The following KCNK2 variants were observed in gnomAD, a reference collection of about 807,000 sequenced individuals.
KCNK2 encodes potassium two pore domain channel subfamily K member 2.
In KCNK2, 21 loss-of-function variants were observed where a neutral mutation model predicts 40.5. The ratio of observed to expected loss-of-function variants is 0.52; its 90% confidence interval spans 0.37 to 0.75. KCNK2 has a LOEUF of 0.75. KCNK2 is among the 30% of genes least tolerant of loss of function. The probability of loss-of-function intolerance (pLI) is 0.00; values close to 1 mark genes in which losing one functional copy is unlikely to be tolerated. For missense variants in KCNK2, 399 were observed against 531.6 expected (o/e 0.75, Z 2.45); for synonymous variants, 191 against 202.2 (o/e 0.94, Z 0.47).
intron 2 of KCNK2, among the ~76,000 whole-genome samples, chr1:215,087,887 T>G (rs1659517954): frequency 2.6e-5 from 4 of 152,240 alleles, no homozygotes. Flanking sequence ...ATACACGTTC[T>G]TATTCAAGTT....
intron 6 of KCNK2, among the ~76,000 whole-genome samples, chr1:215,223,058 A>G (rs1364331841): frequency 1.3e-5 from 2 of 152,110 alleles, no homozygotes; most frequent in African/African-American, 2.4e-5. Flanking sequence ...ACAGGAAAAA[A>G]TCCCGGTCAA....
chr1:215,209,981 TATATATAATATATA>T (rs1253783803), intron 6 of KCNK2, among the ~76,000 whole-genome samples: 66 of 6,576 alleles, frequency 0.01, no homozygotes, highest in Admixed American at 0.024. Flanking sequence ...TTATATATAT[TATATATAATATATA>T]ATATATATTA....
chr1:215,152,513 G>A (rs921966178), intron 3 of KCNK2, among the ~76,000 whole-genome samples: 4 of 152,042 alleles, frequency 2.6e-5, no homozygotes, highest in Admixed American at 6.6e-5. Flanking sequence ...GTCTCTTTGT[G>A]TGCCTTCATT....
intron 3 of KCNK2, among the ~76,000 whole-genome samples, chr1:215,163,874 A>T (rs1220044935): frequency 6.6e-6 from 1 of 151,832 alleles, no homozygotes; most frequent in Non-Finnish European, 1.5e-5. Flanking sequence ...ATTGGCCTGA[A>T]TTTTTTTTGG....
At chr1:215,065,647 T>TTCCTAGTTCCTAA (rs1326039549) in intron 1 of KCNK2, among the ~76,000 whole-genome samples, 1 of 152,194 alleles carries the variant, frequency 6.6e-6, no homozygotes, top group African/African-American at 2.4e-5. Flanking sequence ...TAGGAACTTG[T>TTCCTAGTTCCTAA]TCATGTAATT....
chr1:215,161,043 C>T (rs977643574), intron 3 of KCNK2, among the ~76,000 whole-genome samples: 1 of 152,090 alleles, frequency 6.6e-6, no homozygotes. Flanking sequence ...CATATCGGAA[C>T]CTGGACTTGA....
intron 6 of KCNK2, among the ~76,000 whole-genome samples, chr1:215,195,334 T>A (rs1664819721): frequency 6.7e-6 from 1 of 150,036 alleles, no homozygotes; most frequent in South Asian, 2.1e-4. Context: ...TGAAAAAGGA[T>A]GTAACTAGAA....
chr1:215,040,993 C>T lies in KCNK2; in HGVS notation c.34+35038C>T, dbSNP rs574092145. Among the ~76,000 whole-genome samples, 35 of 152,278 alleles carry T rather than the reference C, an allele frequency of 2.3e-4. No homozygotes were observed. The South Asian group carries it at 3.9e-3, about 17-fold the overall frequency. On this transcript the variant is annotated intron_variant, in intron 1 of 6. Coordinates refer to the KCNK2 transcript ENST00000391895. ...TCAAGCAACAGCATGAGACCTCAGA[C>T]TCAAGGCTTCACTTCCTTTTAAGCT...
At chr1:215,212,134 T>C (rs1665768094) in intron 6 of KCNK2, among the ~76,000 whole-genome samples, 1 of 152,122 alleles carries the variant, frequency 6.6e-6, no homozygotes, top group African/African-American at 2.4e-5. Context: ...GTTCAAAACT[T>C]TATAGCTGCA....
At position 215,011,016 on chromosome 1, in the gene KCNK2, T is replaced by TAC. The variant is rs977953155; in HGVS notation, c.34+5062_34+5063insCA. Among the ~76,000 whole-genome samples, 4 of 148,310 alleles carry TAC rather than the reference T, an allele frequency of 2.7e-5. 1 individual carries two copies. In the Admixed American group the frequency reaches 2.7e-4, roughly 10 times the overall value. On this transcript the variant is annotated intron_variant, in intron 1 of 6. Transcript: ENST00000391895. The stretch of plus-strand genomic sequence containing the variant: ...CTTATATATAATATTGTATTAAATA[T>TAC]ATATTTAAGTTACTTTTAAATTTAC...
chr1:215,020,768 G>C (rs2601620), intron 1 of KCNK2, among the ~76,000 whole-genome samples: 66,814 of 151,958 alleles, frequency 0.44, 16,378 homozygotes, highest in Non-Finnish European at 0.55. Flanking sequence ...AGTGTAACAA[G>C]TGAAAAATGA....
chr1:215,110,858 C>G (rs1296159130), intron 2 of KCNK2, among the ~76,000 whole-genome samples: 1 of 152,062 alleles, frequency 6.6e-6, no homozygotes, highest in African/African-American at 2.4e-5. Flanking sequence ...TTATTGTCAT[C>G]ATTATCAACT....
At chr1:215,232,949 C>A (rs1412060593) in intron 6 of KCNK2, among the ~76,000 whole-genome samples, 1 of 152,182 alleles carries the variant, frequency 6.6e-6, no homozygotes, top group Non-Finnish European at 1.5e-5. Context: ...TGTAAGTGTG[C>A]ATGAAATTTG....
intron 1 of KCNK2, among the ~76,000 whole-genome samples, chr1:215,076,166 A>T (rs1423354576): frequency 6.6e-6 from 1 of 152,244 alleles, no homozygotes; most frequent in Non-Finnish European, 1.5e-5. Context: ...CTTCAAAATG[A>T]ATAAATTTTG....
intron 1 of KCNK2, among the ~76,000 whole-genome samples, chr1:215,053,932 A>T (rs909750717): frequency 6.6e-6 from 1 of 152,166 alleles, no homozygotes; most frequent in African/African-American, 2.4e-5. Context: ...GCACCCCTGC[A>T]CTCCGGCCTG....
chr1:215,181,085 C>T (rs1368832693), intron 5 of KCNK2, among the ~76,000 whole-genome samples: 2 of 151,994 alleles, frequency 1.3e-5, no homozygotes, highest in African/African-American at 4.8e-5. Flanking sequence ...TTATTTTTGT[C>T]TGACTGTGTT....
Position 215,083,230 on chromosome 1 carries a change from T to TCCCCC in KCNK2, c.-152_-151insCCCCC. ...CCCCCTCCCGCGTCCAGCCCCGCTC[T>TCCCCC]CCCCACCTTGTAAAACAAAGCCGGG... On this transcript the variant is annotated 5_prime_UTR_variant, in exon 1 of 7. Coordinates refer to ENST00000444842, the MANE Select transcript of KCNK2 (RefSeq NM_001017425.3). 2 of 828,156 alleles carry TCCCCC rather than the reference T, an allele frequency of 2.4e-6. No individual in the cohort carries two copies. Among genetic ancestry groups the TCCCCC allele is most frequent in the South Asian group, 2.1e-5 (1 of 48,466 alleles). The allele number at this position is 828,156 out of a possible 1,614,324, so 51.3% of individuals were successfully genotyped here. A position where few individuals can be genotyped will look rare whatever the true frequency, so the allele number is the denominator to read the frequency against.
chr1:215,083,213 C>CCCCCG lies in KCNK2; in HGVS notation c.-173_-172insCCCCG. ...TCACGCTCCCCCCCCCGCCCCCTCC[C>CCCCCG]GCGTCCAGCCCCGCTCTCCCCACCT... On this transcript the variant is annotated 5_prime_UTR_variant, in exon 1 of 7. Transcript: ENST00000444842. The CCCCCG allele has an allele frequency of 7.2e-7, 1 of 1,393,884 alleles. No individual in the cohort carries two copies. Among genetic ancestry groups the CCCCCG allele is most frequent in the African/African-American group, 1.5e-5 (1 of 66,734 alleles). 86.3% of individuals were successfully genotyped at this position (1,393,884 alleles called of 1,614,324 possible).
Position 215,212,306 on chromosome 1 carries a change from GC to G in KCNK2, c.963+17218del, listed in dbSNP as rs200684091. Among the ~76,000 whole-genome samples the G allele has an allele frequency of 8.2e-3, 1,244 of 152,140 alleles. 24 individuals are homozygous for G. The highest frequency in any genetic ancestry group is 0.028 in the African/African-American group (1,163 of 41,508). On this transcript the variant is annotated intron_variant, in intron 6 of 6. Transcript: ENST00000444842. ...AGTACCCACTTCCTACGTATGAAAT[GC>G]CCCTTATAACAGTTGATTCTATTTT... is the stretch of plus-strand genomic sequence containing the variant.
Sources: gnomAD v4.1 joint callset for allele counts (sites outside exome capture counted in the v4.1 genomes callset) on GRCh38, gnomAD v4.1.1 for gene constraint, MANE v1.5 for transcripts, NCBI Gene and HGNC (gene_info 2026-07-23, HGNC 2026-07-21) for gene names.